Variants in MTMR10 observed in about 807,000 individuals in gnomAD.
MTMR10 encodes myotubularin related protein 10, also known as myotubularin-related protein 10.
In MTMR10, 56 loss-of-function variants were observed where a neutral mutation model predicts 88.1. That is an observed-to-expected ratio of 0.64 (90% CI 0.51 to 0.79). MTMR10 has a LOEUF of 0.79. Ranked by LOEUF, MTMR10 falls within the 30% of genes least tolerant of loss-of-function variation. The pLI is 0.00. For missense variants in MTMR10, 883 were observed against 924.7 expected (o/e 0.95, Z 0.58); for synonymous variants, 380 against 340.9 (o/e 1.11, Z -1.26).
chr15:30,935,537 TAAGTA>T (rs1220831178), downstream of MTMR10, among the ~76,000 whole-genome samples: 1 of 152,180 alleles, frequency 6.6e-6, no homozygotes, highest in Non-Finnish European at 1.5e-5. Context: ...TTAGGTATTA[TAAGTA>T]GAGATGATTT....
At chr15:30,925,864 G>T in the MTMR10 span, 1 of 1,614,134 alleles carries the variant, frequency 6.2e-7, no homozygotes, top group Non-Finnish European at 8.5e-7. Flanking sequence ...CGGGGAGGCC[G>T]CTGACCCCAC....
At chr15:30,950,868 G>A (rs2063234838) in intron 12 of MTMR10, among the ~76,000 whole-genome samples, 1 of 152,042 alleles carries the variant, frequency 6.6e-6, no homozygotes, top group Non-Finnish European at 1.5e-5. Context: ...ACATCCTCCT[G>A]TACACTTTAA....
At chr15:30,960,602 G>A (rs1164303847) in intron 7 of MTMR10, among the ~76,000 whole-genome samples, 1 of 152,122 alleles carries the variant, frequency 6.6e-6, no homozygotes. Flanking sequence ...TTTAGATCCT[G>A]ATATGAACAA....
chr15:30,927,266 C>G, the MTMR10 span: 98 of 985,450 alleles, frequency 9.9e-5, no homozygotes, highest in East Asian at 8.5e-3. Context: ...CCTGCCTGAT[C>G]GTCAGTGTAT....
At position 30,986,278 on chromosome 15, in the gene MTMR10, C is replaced by T. The variant is rs957416476; in HGVS notation, c.121+4499G>A. Among the ~76,000 whole-genome samples the T allele has an allele frequency of 6.6e-5, 10 of 152,138 alleles. No homozygotes were observed. In the South Asian group the frequency reaches 1.9e-3, roughly 29 times the overall value. ...GCTGCAGTAAGCCGTGATCACACCACTACAGTCCAAACTGGGTGACAGAGC... is the reference window on the plus strand; with the variant it reads ...GCTGCAGTAAGCCGTGATCACACCATTACAGTCCAAACTGGGTGACAGAGC... On this transcript the variant is annotated intron_variant, in intron 2 of 15. Transcript: ENST00000435680.
At chr15:30,929,785 C>A in the MTMR10 span, among the ~76,000 whole-genome samples, 35 of 39,656 alleles carry the variant, frequency 8.8e-4, 5 homozygotes, top group African/African-American at 4.3e-3. Flanking sequence ...TATATTATAT[C>A]ATATATAATA....
At chr15:30,949,015 GTAAAAATCAA>G (rs1257234593) in intron 12 of MTMR10, 1 of 152,392 alleles carries the variant, frequency 6.6e-6, no homozygotes, top group Non-Finnish European at 1.5e-5. Flanking sequence ...GATTACAGAT[GTAAAAATCAA>G]TAAAAATATG....
At chr15:30,927,131 C>T in the MTMR10 span, 3 of 912,500 alleles carry the variant, frequency 3.3e-6, no homozygotes, top group South Asian at 5.0e-5. Context: ...ATCTCTTGAC[C>T]CCAGGAGGTC....
At chr15:30,928,477 T>C in the MTMR10 span, 2 of 1,576,532 alleles carry the variant, frequency 1.3e-6, no homozygotes, top group Non-Finnish European at 1.7e-6. Context: ...GTTATGGTGG[T>C]GTTTTGGAAG....
downstream of MTMR10, chr15:30,937,407 G>T: frequency 1.5e-6 from 1 of 654,596 alleles, no homozygotes; most frequent in Non-Finnish European, 2.4e-6. Context: ...AACAGTGTTT[G>T]CTTGAATACA....
At position 30,959,130 on chromosome 15, in the gene MTMR10, GAA is replaced by G. The variant is rs11340006; in HGVS notation, c.759-11_759-10del. On this transcript the variant is annotated splice_polypyrimidine_tract_variant and intron_variant, in intron 7 of 15. Coordinates refer to ENST00000435680, the MANE Select transcript of MTMR10 (RefSeq NM_017762.3). ...CAATGTATTCTGGAAGGCTGGAGGG[GAA>G]AAAAAAAATTATATGAGTGCTGTGC... The G allele has an allele frequency of 3.7e-5, 56 of 1,531,768 alleles. No individual in the cohort carries two copies. Among genetic ancestry groups the G allele is most frequent in the East Asian group, 9.5e-5 (4 of 42,098 alleles). The allele number at this position is 1,531,768 out of a possible 1,614,324, so 94.9% of individuals were successfully genotyped here.
chr15:30,987,692 A>ATTTT (rs201146149), intron 2 of MTMR10, among the ~76,000 whole-genome samples: 1 of 141,700 alleles, frequency 7.1e-6, no homozygotes, highest in Admixed American at 6.9e-5. Context: ...TTTTTTTTTT[A>ATTTT]TTTTTTTTTT....
Position 30,941,149 on chromosome 15 carries a change from G to A in MTMR10, c.*321C>T. 5.4e-6 allele frequency: 7 copies of A among 1,306,418 alleles called. No homozygotes were observed. Among genetic ancestry groups the A allele is most frequent in the Non-Finnish European group, 7.0e-6 (7 of 1,002,150 alleles). 80.9% of individuals were successfully genotyped at this position (1,306,418 alleles called of 1,614,324 possible). A position where few individuals can be genotyped will look rare whatever the true frequency, so the allele number is the denominator to read the frequency against. ...TTGTCTGCTGCCTGGGGCTGCTAATGTGACTGACTATCAGATAGCCTTCAG... is the reference window on the plus strand; with the variant it reads ...TTGTCTGCTGCCTGGGGCTGCTAATATGACTGACTATCAGATAGCCTTCAG... On this transcript the variant is annotated 3_prime_UTR_variant, in exon 16 of 16. Transcript: ENST00000435680.
intron 2 of MTMR10, among the ~76,000 whole-genome samples, chr15:30,988,806 T>C (rs2031118878): frequency 6.6e-6 from 1 of 152,028 alleles, no homozygotes; most frequent in South Asian, 2.1e-4. Context: ...CTGGCCAACA[T>C]GGAGAAACCC....
intron 6 of MTMR10, among the ~76,000 whole-genome samples, chr15:30,966,820 C>T (rs1160050576): frequency 1.3e-5 from 2 of 149,286 alleles, no homozygotes; most frequent in East Asian, 2.0e-4. Context: ...AGCTGCTCTG[C>T]AAAGCATTAT....
the MTMR10 span, among the ~76,000 whole-genome samples, chr15:30,930,233 T>C: frequency 6.6e-6 from 1 of 151,722 alleles, no homozygotes; most frequent in East Asian, 1.9e-4. Context: ...CTGCCCTCTA[T>C]GAGGCCATGC....
chr15:30,934,245 CCTT>C (rs1482559949), downstream of MTMR10, among the ~76,000 whole-genome samples: 2 of 151,986 alleles, frequency 1.3e-5, no homozygotes, highest in Admixed American at 6.6e-5. Context: ...GCCACTTCAG[CCTT>C]CTTTTTTTTA....
intron 2 of MTMR10, among the ~76,000 whole-genome samples, chr15:30,980,718 A>G (rs958745343): frequency 6.6e-6 from 1 of 152,180 alleles, no homozygotes; most frequent in Admixed American, 6.5e-5. Flanking sequence ...TGGTAATGCC[A>G]GAATACCAGA....
chr15:30,972,337 A>G (rs1015747075), intron 5 of MTMR10, among the ~76,000 whole-genome samples: 5 of 152,138 alleles, frequency 3.3e-5, no homozygotes, highest in African/African-American at 1.2e-4. Context: ...AAATCCCAAA[A>G]AAACTATTTA....
Sources: gnomAD v4.1 joint callset for allele counts (sites outside exome capture counted in the v4.1 genomes callset) on GRCh38, gnomAD v4.1.1 for gene constraint, MANE v1.5 for transcripts, NCBI Gene and HGNC (gene_info 2026-07-23, HGNC 2026-07-21) for gene names.